The following NCOR2 variants were observed in gnomAD, a reference collection of about 807,000 sequenced individuals.
NCOR2 encodes the protein CTG repeat protein 26.
Under a neutral mutation model 262.9 loss-of-function variants are expected in NCOR2, and 81 were observed. The ratio of observed to expected loss-of-function variants is 0.31; its 90% confidence interval spans 0.26 to 0.37. NCOR2 has a LOEUF of 0.37. Ranked by LOEUF, NCOR2 falls within the 10% of genes least tolerant of loss-of-function variation. The pLI is 1.00. For synonymous variants in NCOR2, 1,659 were observed against 1,559.3 expected (o/e 1.06, Z -1.51); for missense variants, 3,385 against 3,621.4 (o/e 0.93, Z 1.68).
chr12:124,523,835 A>G lies in NCOR2; in HGVS notation c.-118+11730T>C, dbSNP rs2050319051. ...AGAGAGCAGTGAAGTGACTTGCCCA[A>G]GGGGACGGGGCTGGGAAGTGGCAAT... On this transcript the variant is annotated intron_variant, in intron 1 of 46. Coordinates refer to the NCOR2 transcript ENST00000404621. The surrounding 1 kb of genome is among the most constrained non-coding windows in gnomAD (Gnocchi z 4.0). Among the ~76,000 whole-genome samples the G allele has an allele frequency of 6.6e-6, 1 of 152,170 alleles. No individual in the cohort carries two copies. Among genetic ancestry groups the G allele is most frequent in the South Asian group, 2.1e-4 (1 of 4,828 alleles).
chr12:124,347,366 T>C, intron 30 of NCOR2: 1 of 174,600 alleles, frequency 5.7e-6, no homozygotes, highest in Non-Finnish European at 1.2e-5. Flanking sequence ...AGACCCTGTC[T>C]CAAACAGCAA....
rs779576960 is a variant in NCOR2, at chr12:124,549,347, G to A, written c.-164-13736C>T. Among the ~76,000 whole-genome samples, 12 of 152,166 alleles carry A rather than the reference G, an allele frequency of 7.9e-5. 1 individual carries two copies. Among genetic ancestry groups the A allele is most frequent in the African/African-American group, 2.7e-4 (11 of 41,432 alleles). On this transcript the variant is annotated intron_variant, in intron 1 of 32. Coordinates refer to the NCOR2 transcript ENST00000458234. This position sits in a 1 kb window ranked among gnomAD's most constrained non-coding sequence, Gnocchi z 4.4. ...CGCTTGGCCGGGTGGCCCACTGCCC[G>A]TCTGGCTTTCGAGGAGATAAGCCGC...
At chr12:124,423,996 G>A (rs1490171893) in intron 11 of NCOR2, among the ~76,000 whole-genome samples, 3 of 152,270 alleles carry the variant, frequency 2.0e-5, no homozygotes, top group African/African-American at 7.2e-5. Flanking sequence ...CTCAAACCAA[G>A]CCCACAGTCC....
At chr12:124,519,551 G>A (rs1278400097) in intron 1 of NCOR2, among the ~76,000 whole-genome samples, 2 of 152,190 alleles carry the variant, frequency 1.3e-5, no homozygotes, top group South Asian at 2.1e-4. Context: ...GGTGTGGCCG[G>A]GGCGCAGGGG....
rs564860068 is a variant in NCOR2, at chr12:124,534,021, G to C, written c.-118+1544C>G. Among the ~76,000 whole-genome samples, 76 of 151,836 alleles carry C rather than the reference G, an allele frequency of 5.0e-4. 1 individual carries two copies. The South Asian group carries it at 0.015, about 30-fold the overall frequency. On this transcript the variant is annotated intron_variant, in intron 1 of 46. Transcript: ENST00000404621. ...ACAATTCTTCTTCCAATGTGGCCCA[G>C]GGAAGCCAAAAGATTGGACAACCCT...
rs1224129235 is a variant in NCOR2 at position 124,373,786 on chromosome 12, C to G, written c.2218+627G>C. On this transcript the variant is annotated intron_variant, in intron 19 of 46. Coordinates refer to ENST00000405201, the Ensembl canonical transcript of NCOR2. ...CCAGTGCGTGTGCAGGGGCCCTGGG[C>G]ACGGTGGACAATCATGAGGCCAGTG... Among the ~76,000 whole-genome samples the G allele has an allele frequency of 2.0e-4, 3 of 14,874 alleles. 1 individual carries two copies. In the East Asian group the frequency reaches 2.8e-3, roughly 14 times the overall value. 9.8% of individuals were successfully genotyped at this position (14,874 alleles called of 152,430 possible). A position where few individuals can be genotyped will look rare whatever the true frequency, so the allele number is the denominator to read the frequency against.
chr12:124,528,295 T>C (rs1328952854), intron 1 of NCOR2, among the ~76,000 whole-genome samples: 1 of 152,196 alleles, frequency 6.6e-6, no homozygotes, highest in Non-Finnish European at 1.5e-5. Context: ...TCCACAATGA[T>C]GAATCTGATG....
At chr12:124,359,372 C>T (rs1384979823) in intron 22 of NCOR2, among the ~76,000 whole-genome samples, 2 of 152,196 alleles carry the variant, frequency 1.3e-5, no homozygotes, top group African/African-American at 2.4e-5. Context: ...GTGCTAAGAT[C>T]AATTAATGAT....
chr12:124,344,862 C>G (rs1265284539), exon 32 of NCOR2: 2 of 1,574,000 alleles, frequency 1.3e-6, no homozygotes, highest in East Asian at 4.7e-5. Flanking sequence ...CGGGTGGGAA[C>G]GTCCGGCCGG....
intron 17 of NCOR2, among the ~76,000 whole-genome samples, chr12:124,380,925 G>A (rs1645195953): frequency 6.6e-6 from 1 of 152,208 alleles, no homozygotes; most frequent in Admixed American, 6.5e-5. Context: ...ATCAGGAGGT[G>A]TGTGTAGAAT....
rs748022862 is a variant in NCOR2 at position 124,350,675 on chromosome 12, C to T, written c.3756G>A (p.Pro1252=). 5.0e-5 allele frequency: 80 copies of T among 1,613,634 alleles called. No individual in the cohort carries two copies. Among genetic ancestry groups the T allele is most frequent in the Non-Finnish European group, 6.1e-5 (72 of 1,180,040 alleles). ...CCTCCCGGCCGCGGTCCAAGCGACT[C>T]GGGCTGTCCTCGCCGATGATCCTGG... Residue 1252 remains proline, a synonymous_variant, in exon 28 of 47, where the codon CCG becomes CCA. Transcript: ENST00000405201.
At chr12:124,336,607 G>C in intron 38 of NCOR2, 146 bp downstream of exon 40, 1 of 1,464,188 alleles carries the variant, frequency 6.8e-7, no homozygotes, top group Non-Finnish European at 9.0e-7. Context: ...TTTGGACCAC[G>C]AGACGGGGTG....
At chr12:124,554,192 C>T (rs757967116) in intron 1 of NCOR2, among the ~76,000 whole-genome samples, 2 of 152,344 alleles carry the variant, frequency 1.3e-5, no homozygotes, top group African/African-American at 2.4e-5. Flanking sequence ...AGCCCTTTTG[C>T]GTCTCTTTCC....
At chr12:124,334,477 G>T in exon 41 of NCOR2, 1 of 1,469,678 alleles carries the variant, frequency 6.8e-7, no homozygotes, top group East Asian at 2.6e-5. Flanking sequence ...CATGGTCCGG[G>T]GGCGGGAGGT....
Position 124,523,643 on chromosome 12 carries a change from A to AAAC in NCOR2, c.-118+11921_-118+11922insGTT, listed in dbSNP as rs1360300691. On this transcript the variant is annotated intron_variant, in intron 1 of 46. Coordinates refer to the NCOR2 transcript ENST00000404621. The surrounding 1 kb of genome is among the most constrained non-coding windows in gnomAD (Gnocchi z 4.0). ...TAACCATAGCTGATGAACTAAAAAA[A>AAAC]AAAAAAACAAAAAACCGAAAAACAA... Among the ~76,000 whole-genome samples the AAAC allele has an allele frequency of 3.3e-5, 5 of 151,196 alleles. No individual in the cohort carries two copies. Among genetic ancestry groups the AAAC allele is most frequent in the African/African-American group, 7.4e-5 (3 of 40,718 alleles).
At chr12:124,414,549 A>G (rs1056656445) in intron 13 of NCOR2, among the ~76,000 whole-genome samples, 1 of 152,214 alleles carries the variant, frequency 6.6e-6, no homozygotes, top group Admixed American at 6.5e-5. Context: ...AAGGGGTCCA[A>G]TGCATATTGG....
At chr12:124,461,637 A>G (rs994567455) in intron 5 of NCOR2, among the ~76,000 whole-genome samples, 3 of 152,196 alleles carry the variant, frequency 2.0e-5, no homozygotes, top group African/African-American at 4.8e-5. Flanking sequence ...ACGCACATAC[A>G]CATGTGCACC....
rs946023289 is a variant in NCOR2 at position 124,549,936 on chromosome 12, G to A, written c.-164-14325C>T. ...AATGAACAAAATCTACATGCTGGGC[G>A]CAAGCTCCGAGGAAAACTCCTTCGC... On this transcript the variant is annotated intron_variant, in intron 1 of 32. Transcript: ENST00000458234. The surrounding 1 kb of genome is among the most constrained non-coding windows in gnomAD (Gnocchi z 4.4). Among the ~76,000 whole-genome samples the A allele has an allele frequency of 4.6e-5, 7 of 152,170 alleles. No individual in the cohort carries two copies. The highest frequency in any genetic ancestry group is 1.5e-5 in the Non-Finnish European group (1 of 68,020).
intron 1 of NCOR2, among the ~76,000 whole-genome samples, chr12:124,515,684 A>C (rs980226677): frequency 1.3e-5 from 2 of 151,334 alleles, no homozygotes; most frequent in African/African-American, 4.9e-5. Flanking sequence ...TGAGTGTGCG[A>C]GTATGCGTGT....
Sources: gnomAD v4.1 joint callset for allele counts (sites outside exome capture counted in the v4.1 genomes callset) on GRCh38, gnomAD v4.1.1 for gene constraint, Gnocchi (gnomAD v3.1) non-coding constraint, MANE v1.5 for transcripts, NCBI Gene and HGNC (gene_info 2026-07-23, HGNC 2026-07-21) for gene names.